SNX29: variants seen among roughly 807,000 people sequenced by gnomAD.
SNX29 encodes sorting nexin-29.
In SNX29, 78 loss-of-function variants were observed where a neutral mutation model predicts 102.1. The ratio of observed to expected loss-of-function variants is 0.76; its 90% CI spans 0.64 to 0.92. The LOEUF (loss-of-function observed/expected upper bound fraction) is 0.92. Among genes scored for constraint, SNX29 ranks in the 40% least tolerant of loss-of-function variants. SNX29 has a pLI of 0.00. For synonymous variants in SNX29, 580 were observed against 414.5 expected (o/e 1.40, Z -4.85); for missense variants, 1,280 against 1,061.7 (o/e 1.21, Z -2.86).
At chr16:12,181,243 G>T (rs147473563) in intron 13 of SNX29, among the ~76,000 whole-genome samples, 46 of 152,326 alleles carry the variant, frequency 3.0e-4, no homozygotes, top group African/African-American at 8.4e-4. Flanking sequence ...TTGAGGGCGT[G>T]CCCATGACAC....
chr16:12,572,098 G>A lies in SNX29; in HGVS notation c.*3469G>A. The A allele has an allele frequency of 9.4e-7, 1 of 1,058,402 alleles. No homozygotes were observed. Among genetic ancestry groups the A allele is most frequent in the Non-Finnish European group, 1.1e-6 (1 of 873,312 alleles). 65.6% of individuals were successfully genotyped at this position (1,058,402 alleles called of 1,614,324 possible). On this transcript the variant is annotated 3_prime_UTR_variant, in exon 21 of 21. Transcript: ENST00000566228. ...TAGGAAGAGGAAGGGGAGGGATGTG[G>A]ACTGGGTCTGATCACAGCCCTTGGC...
intron 11 of SNX29, among the ~76,000 whole-genome samples, chr16:12,118,113 A>G (rs2053811389): frequency 6.6e-6 from 1 of 151,606 alleles, no homozygotes; most frequent in African/African-American, 2.4e-5. Flanking sequence ...AAAAACAAAG[A>G]AAAAAAACTT....
chr16:12,147,965 A>T (rs2055136495), intron 13 of SNX29, among the ~76,000 whole-genome samples: 1 of 152,200 alleles, frequency 6.6e-6, no homozygotes, highest in African/African-American at 2.4e-5. Flanking sequence ...GCAGCGATGC[A>T]GTTTAAAGAG....
At chr16:12,526,562 A>T in intron 20 of SNX29, 1 of 528,116 alleles carries the variant, frequency 1.9e-6, no homozygotes, top group African/African-American at 1.9e-5. Context: ...ACTGGATCTC[A>T]CTGTTTGGAA....
intron 3 of SNX29, among the ~76,000 whole-genome samples, chr16:12,023,284 A>T (rs2057083041): frequency 6.6e-6 from 1 of 151,766 alleles, no homozygotes; most frequent in South Asian, 2.1e-4. Context: ...ATTAACTTGG[A>T]ATGGAAGTTT....
chr16:12,320,547 A>AAAG, intron 15 of SNX29, among the ~76,000 whole-genome samples: 1 of 152,282 alleles, frequency 6.6e-6, no homozygotes, highest in East Asian at 1.9e-4. Flanking sequence ...TCACTGGAGA[A>AAAG]TACTTAAGAT....
At chr16:12,565,446 C>G (rs968264342) in intron 20 of SNX29, among the ~76,000 whole-genome samples, 4 of 152,174 alleles carry the variant, frequency 2.6e-5, no homozygotes, top group Admixed American at 1.3e-4. Context: ...TCACCTGCCC[C>G]CTCCTCATCC....
intron 20 of SNX29, among the ~76,000 whole-genome samples, chr16:12,555,659 A>C (rs2078291203): frequency 6.6e-6 from 1 of 151,716 alleles, no homozygotes; most frequent in Non-Finnish European, 1.5e-5. Context: ...AGACCCTGTC[A>C]CTCCTGCACG....
intron 13 of SNX29, among the ~76,000 whole-genome samples, chr16:12,183,471 A>G (rs1027378864): frequency 2.6e-4 from 39 of 152,200 alleles, no homozygotes; most frequent in African/African-American, 8.9e-4. Flanking sequence ...ACACAAACAT[A>G]CAGAGATACA....
At chr16:12,370,480 A>C (rs1194881023) in intron 16 of SNX29, among the ~76,000 whole-genome samples, 1 of 152,184 alleles carries the variant, frequency 6.6e-6, no homozygotes, top group Non-Finnish European at 1.5e-5. Flanking sequence ...TAATTGCTTG[A>C]ACCTGGGAGG....
chr16:12,384,160 C>T (rs879781950), intron 16 of SNX29, among the ~76,000 whole-genome samples: 1 of 152,184 alleles, frequency 6.6e-6, no homozygotes, highest in Non-Finnish European at 1.5e-5. Flanking sequence ...TTGGTTGTTG[C>T]AAATAGCACT....
intron 13 of SNX29, among the ~76,000 whole-genome samples, chr16:12,156,782 C>T (rs2055570028): frequency 6.6e-6 from 1 of 152,226 alleles, no homozygotes; most frequent in African/African-American, 2.4e-5. Context: ...TATCCAACGT[C>T]AGGAGAATGG....
intron 16 of SNX29, among the ~76,000 whole-genome samples, chr16:12,363,833 C>T (rs1011009518): frequency 6.6e-6 from 1 of 152,154 alleles, no homozygotes; most frequent in Non-Finnish European, 1.5e-5. Context: ...GGAATATTTG[C>T]ATTATACTTG....
intron 9 of SNX29, among the ~76,000 whole-genome samples, chr16:12,064,083 C>G (rs556425949): frequency 1.8e-4 from 28 of 152,174 alleles, no homozygotes; most frequent in African/African-American, 5.8e-4. Flanking sequence ...GTCCCGTTCC[C>G]CATGGAGGGG....
At chr16:12,158,492 A>C (rs552771524) in intron 13 of SNX29, among the ~76,000 whole-genome samples, 4 of 152,140 alleles carry the variant, frequency 2.6e-5, no homozygotes, top group Non-Finnish European at 4.4e-5. Flanking sequence ...GAGCCAGTGC[A>C]CCCAGCCGGT....
At chr16:12,552,938 T>C (rs1418892347) in intron 20 of SNX29, among the ~76,000 whole-genome samples, 2 of 152,218 alleles carry the variant, frequency 1.3e-5, no homozygotes, top group African/African-American at 4.8e-5. Flanking sequence ...TGGCCTTATA[T>C]GCCACGTCAT....
intron 4 of SNX29, among the ~76,000 whole-genome samples, chr16:12,028,028 A>G (rs559358797): frequency 4.8e-4 from 73 of 152,344 alleles, no homozygotes; most frequent in African/African-American, 1.7e-3. Flanking sequence ...GAAACTGTTC[A>G]TAGTGATCTG....
At chr16:12,549,120 G>C (rs1241056755) in intron 20 of SNX29, among the ~76,000 whole-genome samples, 1 of 152,206 alleles carries the variant, frequency 6.6e-6, no homozygotes, top group African/African-American at 2.4e-5. Context: ...CATAGCAGAT[G>C]GAAAATTCTG....
At chr16:12,117,465 C>G (rs1034375124) in intron 11 of SNX29, among the ~76,000 whole-genome samples, 14 of 150,704 alleles carry the variant, frequency 9.3e-5, no homozygotes, top group African/African-American at 3.4e-4. Flanking sequence ...TCAACGCGGA[C>G]GAACCGTGGA....
Sources: gnomAD v4.1 joint callset for allele counts (sites outside exome capture counted in the v4.1 genomes callset) on GRCh38, gnomAD v4.1.1 for gene constraint, MANE v1.5 for transcripts, NCBI Gene and HGNC (gene_info 2026-07-23, HGNC 2026-07-21) for gene names.